Variants in AHCYL2 observed in about 807,000 individuals in gnomAD.
AHCYL2 encodes the protein adenosylhomocysteinase like 2.
Under a neutral mutation model 81.4 loss-of-function variants are expected in AHCYL2, and 28 were observed. That is an observed-to-expected ratio of 0.34 (90% CI 0.25 to 0.47). AHCYL2 has a LOEUF of 0.47. Ranked by LOEUF, AHCYL2 falls within the 20% of genes least tolerant of loss-of-function variation. The pLI is 1.00. For missense variants in AHCYL2, 551 were observed against 785.1 expected, an observed-to-expected ratio of 0.70 and a Z score of 3.56; for synonymous variants, 272 against 290.2, an observed-to-expected ratio of 0.94 and a Z score of 0.64.
In AHCYL2 at chr7:129,406,383, G is replaced by C; in HGVS notation, c.1212G>C (p.Gly404=). Reference sequence around the variant, plus strand: ...GTGCTCTCTCCCCTCTTCAGGTGGGGAAAGGGTGCTGTGCTGCCCTGAAAG... The same window carrying C: ...GTGCTCTCTCCCCTCTTCAGGTGGGCAAAGGGTGCTGTGCTGCCCTGAAAG... ...QVVVCGYGEV[G]KGCCAALKAM... is the part of the protein sequence containing the mutation. The change falls in exon 10 of 17, where the codon GGG becomes GGC. Residue 404 remains glycine (G), a synonymous_variant. Coordinates refer to ENST00000325006, the MANE Select transcript of AHCYL2 (RefSeq NM_015328.4). The surrounding 1 kb of genome is among the most constrained non-coding windows in gnomAD (Gnocchi z 4.3). The C allele has an allele frequency of 6.2e-7, 1 of 1,613,984 alleles. No individual in the cohort carries two copies. Among genetic ancestry groups the C allele is most frequent in the Non-Finnish European group, 8.5e-7 (1 of 1,179,924 alleles).
chr7:129,309,442 A>G (rs1404180774), intron 1 of AHCYL2, among the ~76,000 whole-genome samples: 8 of 151,904 alleles, frequency 5.3e-5, no homozygotes, highest in Non-Finnish European at 8.8e-5. Context: ...TGGGAGGTTA[A>G]GGTGAGAGGA....
At chr7:129,319,183 C>T (rs1797928697) in intron 1 of AHCYL2, among the ~76,000 whole-genome samples, 1 of 152,140 alleles carries the variant, frequency 6.6e-6, no homozygotes, top group African/African-American at 2.4e-5. Context: ...AGGCTGGGCA[C>T]AGTGGCTCAC....
chr7:129,371,655 C>T (rs1436848418), intron 1 of AHCYL2, among the ~76,000 whole-genome samples: 3 of 152,158 alleles, frequency 2.0e-5, no homozygotes, highest in African/African-American at 4.8e-5. Flanking sequence ...TCTTTAGTCC[C>T]TTCTGGTAGT....
At chr7:129,307,447 C>A (rs1797481359) in intron 1 of AHCYL2, among the ~76,000 whole-genome samples, 1 of 151,744 alleles carries the variant, frequency 6.6e-6, no homozygotes, top group Non-Finnish European at 1.5e-5. Flanking sequence ...CCCAAGGGCT[C>A]TTCAGTCAGC....
At chr7:129,349,279 T>C (rs1284857529) in intron 1 of AHCYL2, among the ~76,000 whole-genome samples, 1 of 152,066 alleles carries the variant, frequency 6.6e-6, no homozygotes, top group Non-Finnish European at 1.5e-5. Context: ...GAATAATCTT[T>C]AGGTAGAGAC....
chr7:129,390,254 A>T lies in AHCYL2; in HGVS notation c.720+520A>T, dbSNP rs1795403019. Among the ~76,000 whole-genome samples, 3 of 152,348 alleles carry T rather than the reference A, an allele frequency of 2.0e-5. No individual in the cohort carries two copies. In the South Asian group the frequency reaches 6.2e-4, roughly 32 times the overall value. ...GAAATATAACAACTATTTACATAGC[A>T]TTTACACTGTATTGGGTACTATAAA... On this transcript the variant is annotated intron_variant, in intron 4 of 16. Transcript: ENST00000325006.
chr7:129,394,274 C>T (rs902583445), intron 4 of AHCYL2, among the ~76,000 whole-genome samples: 4 of 150,720 alleles, frequency 2.7e-5, no homozygotes, highest in Admixed American at 1.3e-4. Context: ...CCTTTCAAAG[C>T]GCTAGGGTTA....
rs186093448 is a variant in AHCYL2 at position 129,238,430 on chromosome 7, T to C, written c.363+12991T>C. On this transcript the variant is annotated intron_variant, in intron 1 of 16. Coordinates refer to ENST00000325006, the MANE Select transcript of AHCYL2 (RefSeq NM_015328.4). ...ATAATCTCCCTAATACATTGTGAGCTTCTTTTTTGCAAAAACCGTTTATTT... is the reference window on the plus strand; with the variant it reads ...ATAATCTCCCTAATACATTGTGAGCCTCTTTTTTGCAAAAACCGTTTATTT... Among the ~76,000 whole-genome samples, 3 of 152,338 alleles carry C rather than the reference T, an allele frequency of 2.0e-5. No homozygotes were observed. The East Asian group carries it at 5.8e-4, about 29-fold the overall frequency.
intron 1 of AHCYL2, among the ~76,000 whole-genome samples, chr7:129,331,356 G>A (rs1452112414): frequency 5.3e-5 from 8 of 152,014 alleles, no homozygotes; most frequent in Non-Finnish European, 1.2e-4. Context: ...TTTAGATTTA[G>A]CATTTATTGC....
rs1263097308 is a variant in AHCYL2 at position 129,379,733 on chromosome 7, T to G, written c.459T>G (p.Thr153=). ...SLSRSISQSS[T]DSYSSAASYT... ...CTCGTTCCATTTCTCAGTCATCTAC[T>G]GACAGCTACAGCTCAGGTGAGTACT... The change falls in exon 2 of 17, where the codon ACT becomes ACG. Residue 153 remains threonine (T), a synonymous_variant. Coordinates refer to ENST00000325006, the MANE Select transcript of AHCYL2 (RefSeq NM_015328.4). 6.2e-7 allele frequency: 1 copy of G among 1,613,944 alleles called. No individual in the cohort carries two copies. Among genetic ancestry groups the G allele is most frequent in the Non-Finnish European group, 8.5e-7 (1 of 1,179,980 alleles).
intron 1 of AHCYL2, chr7:129,375,902 T>C: frequency 6.5e-7 from 1 of 1,536,144 alleles, no homozygotes; most frequent in East Asian, 2.4e-5. Context: ...ACATTGTTAA[T>C]GGCAACTCTG....
chr7:129,357,823 A>G (rs557516859), intron 1 of AHCYL2, among the ~76,000 whole-genome samples: 4 of 151,824 alleles, frequency 2.6e-5, no homozygotes, highest in African/African-American at 7.2e-5. Context: ...AGTCCCAGCT[A>G]CTTGGGAGGC....
intron 4 of AHCYL2, among the ~76,000 whole-genome samples, chr7:129,394,546 C>A (rs1795632236): frequency 7.0e-6 from 1 of 142,848 alleles, no homozygotes; most frequent in East Asian, 2.3e-4. Flanking sequence ...CTCCTGGGAT[C>A]AAGCGATTCT....
intron 1 of AHCYL2, among the ~76,000 whole-genome samples, chr7:129,374,660 T>C (rs1451582092): frequency 6.6e-6 from 1 of 151,764 alleles, no homozygotes; most frequent in East Asian, 1.9e-4. Context: ...TACAAAAAAT[T>C]AGCCCGCGTG....
chr7:129,390,953 A>G (rs1025595028), intron 4 of AHCYL2, among the ~76,000 whole-genome samples: 7 of 152,184 alleles, frequency 4.6e-5, no homozygotes, highest in East Asian at 1.9e-4. Flanking sequence ...CAGATATAAC[A>G]TGTCCAGGTA....
chr7:129,281,607 C>G (rs796230645), intron 1 of AHCYL2, among the ~76,000 whole-genome samples: 3 of 147,542 alleles, frequency 2.0e-5, no homozygotes, highest in African/African-American at 5.0e-5. Context: ...AATGATCCTT[C>G]TGCCTCAGCC....
chr7:129,364,698 C>T (rs1794046311), intron 1 of AHCYL2, among the ~76,000 whole-genome samples: 4 of 152,158 alleles, frequency 2.6e-5, no homozygotes, highest in Admixed American at 1.3e-4. Flanking sequence ...GGTTGGGCTT[C>T]ACTCTAGCCA....
chr7:129,326,350 A>C (rs954735817), intron 1 of AHCYL2, among the ~76,000 whole-genome samples: 2 of 152,126 alleles, frequency 1.3e-5, no homozygotes, highest in East Asian at 3.9e-4. Flanking sequence ...AACATGGTAA[A>C]ACCCCATCTC....
chr7:129,276,805 A>G (rs1563177568), intron 1 of AHCYL2, among the ~76,000 whole-genome samples: 1 of 150,566 alleles, frequency 6.6e-6, no homozygotes, highest in East Asian at 1.9e-4. Context: ...TTGGTTTTCT[A>G]AAAAAAAAGA....
Sources: allele counts gnomAD v4.1 joint callset (sites outside exome capture counted in the v4.1 genomes callset), GRCh38; gene constraint gnomAD v4.1.1; non-coding constraint Gnocchi (gnomAD v3.1); transcripts MANE v1.5; gene names NCBI Gene and HGNC (gene_info 2026-07-23, HGNC 2026-07-21).